The following PPM1E variants were observed in gnomAD, a reference collection of about 807,000 sequenced individuals.
PPM1E encodes the protein protein phosphatase 1E.
Under a neutral mutation model 65.9 loss-of-function variants are expected in PPM1E, and 20 were observed. That is an observed-to-expected ratio of 0.30 (90% CI 0.21 to 0.44). The LOEUF is 0.44. PPM1E is among the 20% of genes least tolerant of loss of function. The pLI is 1.00. For missense variants in PPM1E, 713 were observed against 953.1 expected, an observed-to-expected ratio of 0.75 and a Z score of 3.32; for synonymous variants, 352 against 374.9, an observed-to-expected ratio of 0.94 and a Z score of 0.70.
rs996372287 is a variant in PPM1E at position 58,940,764 on chromosome 17, G to A, written c.465-14885G>A. Among the ~76,000 whole-genome samples, 7 of 152,186 alleles carry A rather than the reference G, an allele frequency of 4.6e-5. No individual in the cohort carries two copies. In the South Asian group the frequency reaches 1.5e-3, roughly 32 times the overall value. ...TCCATTACCCCACCCAGGCTGGAGT[G>A]CAGTGGTGTGATCGGGACTCACTGC... is the stretch of plus-strand genomic sequence containing the variant. On this transcript the variant is annotated intron_variant, in intron 1 of 6. Coordinates refer to ENST00000308249, the MANE Select transcript of PPM1E (RefSeq NM_014906.5).
chr17:58,965,647 C>G (rs769501592), intron 2 of PPM1E, 47 bp from the exon 3 acceptor site: 2 of 1,573,624 alleles, frequency 1.3e-6, no homozygotes, highest in South Asian at 2.2e-5. Flanking sequence ...AAGTGAAAAG[C>G]AGTTTTACAA....
At chr17:58,849,571 G>A (rs1324584958) in intron 1 of PPM1E, among the ~76,000 whole-genome samples, 1 of 152,182 alleles carries the variant, frequency 6.6e-6, no homozygotes, top group Non-Finnish European at 1.5e-5. Context: ...TTTCCATGTA[G>A]TTGAGCGGTT....
intron 1 of PPM1E, among the ~76,000 whole-genome samples, chr17:58,831,960 T>C (rs2050610325): frequency 1.3e-5 from 2 of 152,222 alleles, no homozygotes; most frequent in Non-Finnish European, 2.9e-5. Context: ...GTTTCTGTGA[T>C]AGGCACTGTG....
At chr17:58,805,706 A>T (rs2050298930) in intron 1 of PPM1E, among the ~76,000 whole-genome samples, 1 of 152,144 alleles carries the variant, frequency 6.6e-6, no homozygotes, top group East Asian at 1.9e-4. Context: ...GAATGGAAAG[A>T]AAGTCATCAT....
At chr17:58,871,161 C>A (rs1019579481) in intron 1 of PPM1E, among the ~76,000 whole-genome samples, 2 of 152,062 alleles carry the variant, frequency 1.3e-5, no homozygotes, top group Non-Finnish European at 2.9e-5. Context: ...TTCAGCCTCC[C>A]AAGTAGCTGG....
intron 1 of PPM1E, among the ~76,000 whole-genome samples, chr17:58,879,869 TG>T (rs374415425): frequency 1.4e-4 from 22 of 152,264 alleles, no homozygotes; most frequent in African/African-American, 5.3e-4. Context: ...CCAGAACCCT[TG>T]GGCTTTGGAG....
chr17:58,947,620 C>T (rs1003691710), intron 1 of PPM1E, among the ~76,000 whole-genome samples: 1 of 151,048 alleles, frequency 6.6e-6, no homozygotes, highest in East Asian at 2.0e-4. Context: ...TCTACTATCT[C>T]GGTTCTCCTT....
chr17:58,802,086 GACAA>G (rs1196133140), intron 1 of PPM1E, among the ~76,000 whole-genome samples: 1 of 152,122 alleles, frequency 6.6e-6, no homozygotes, highest in East Asian at 1.9e-4. Context: ...AGGTGTGATT[GACAA>G]ACAAAAAATT....
intron 1 of PPM1E, among the ~76,000 whole-genome samples, chr17:58,897,099 C>T (rs1339403142): frequency 6.6e-6 from 1 of 151,980 alleles, no homozygotes; most frequent in Non-Finnish European, 1.5e-5. Context: ...ACCTACTGCT[C>T]AGAAAAAAAG....
chr17:58,881,576 T>G (rs929079555), intron 1 of PPM1E, among the ~76,000 whole-genome samples: 1 of 152,022 alleles, frequency 6.6e-6, no homozygotes, highest in African/African-American at 2.4e-5. Flanking sequence ...GGCAGAAAAT[T>G]GCCTGAACCC....
chr17:58,966,395 T>G (rs1172560606), intron 3 of PPM1E: 6 of 277,252 alleles, frequency 2.2e-5, no homozygotes, highest in Non-Finnish European at 4.0e-5. Flanking sequence ...TAAAAAAAAT[T>G]ATATCTCAAT....
At chr17:58,787,110 A>T (rs1263912782) in intron 1 of PPM1E, among the ~76,000 whole-genome samples, 1 of 152,212 alleles carries the variant, frequency 6.6e-6, no homozygotes, top group African/African-American at 2.4e-5. Flanking sequence ...TTGTGTGCAT[A>T]ATCATATTTA....
chr17:58,910,874 A>T (rs1465135729), intron 1 of PPM1E, among the ~76,000 whole-genome samples: 3 of 152,156 alleles, frequency 2.0e-5, no homozygotes. Context: ...AGACCTTATT[A>T]AGAAGAAGAG....
chr17:58,776,612 A>G (rs958102953), intron 1 of PPM1E, among the ~76,000 whole-genome samples: 9 of 152,208 alleles, frequency 5.9e-5, no homozygotes, highest in African/African-American at 2.2e-4. Flanking sequence ...TAAATTCACC[A>G]AATAGTTTAT....
chr17:58,883,100 C>T (rs377763787), intron 1 of PPM1E, among the ~76,000 whole-genome samples: 19 of 151,292 alleles, frequency 1.3e-4, no homozygotes, highest in Admixed American at 2.0e-4. Flanking sequence ...GGATTACAGG[C>T]GCCTGCCACC....
intron 1 of PPM1E, among the ~76,000 whole-genome samples, chr17:58,890,663 G>C (rs1279030723): frequency 6.6e-6 from 1 of 151,992 alleles, no homozygotes; most frequent in African/African-American, 2.4e-5. Flanking sequence ...ATATATACAT[G>C]AATGTTTTTT....
At chr17:58,757,683 A>G (rs1327080502) in intron 1 of PPM1E, among the ~76,000 whole-genome samples, 1 of 152,220 alleles carries the variant, frequency 6.6e-6, no homozygotes, top group Non-Finnish European at 1.5e-5. Flanking sequence ...ACCTGATCAG[A>G]TCATTCTCCT....
At chr17:58,931,113 G>A (rs1000154084) in intron 1 of PPM1E, among the ~76,000 whole-genome samples, 3 of 149,796 alleles carry the variant, frequency 2.0e-5, no homozygotes, top group Admixed American at 6.7e-5. Flanking sequence ...AAAGCCGGGC[G>A]CGGTGGCTCA....
intron 1 of PPM1E, among the ~76,000 whole-genome samples, chr17:58,879,160 A>G (rs114241975): frequency 0.011 from 1,692 of 152,070 alleles, 35 homozygotes; most frequent in African/African-American, 0.039. Flanking sequence ...TCTTAATCTC[A>G]TAGTCTATGT....
Sources: allele counts gnomAD v4.1 joint callset (sites outside exome capture counted in the v4.1 genomes callset), GRCh38; gene constraint gnomAD v4.1.1; transcripts MANE v1.5; gene names NCBI Gene and HGNC (gene_info 2026-07-23, HGNC 2026-07-21).